The following ALDH1L1 variants were observed in gnomAD, a reference collection of about 807,000 sequenced individuals.
ALDH1L1 encodes aldehyde dehydrogenase 1 family member L1, also known as cytosolic 10-formyltetrahydrofolate dehydrogenase.
ALDH1L1 carries 68 observed loss-of-function variants against 101.1 expected under a neutral mutation model. The observed-to-expected ratio is 0.67, with a 90% CI of 0.55 to 0.82. The LOEUF (loss-of-function observed/expected upper bound fraction) is 0.82, where lower values mean the gene tolerates loss of function less well. Ranked by LOEUF, ALDH1L1 falls within the 40% of genes least tolerant of loss-of-function variation. The pLI, the probability that ALDH1L1 is intolerant of heterozygous loss-of-function variation, is 0.00. For synonymous variants in ALDH1L1, 486 were observed against 470.8 expected (o/e 1.03, Z -0.42); for missense variants, 1,087 against 1,172.7 (o/e 0.93, Z 1.07).
rs751251409 is a variant in ALDH1L1, at chr3:126,158,683, C to T, written c.128-44G>A. 3.2e-6 allele frequency: 5 copies of T among 1,572,416 alleles called. No individual in the cohort carries two copies. In the Admixed American group the frequency reaches 6.7e-5, roughly 21 times the overall value. On this transcript the variant is annotated intron_variant, in intron 2 of 22. Transcript: ENST00000393434. ...GAAACTGGCCCCTCTCCATAACCCA[C>T]CCACACGCAGCCACCTCTGCCTTCC...
At chr3:126,129,657 G>T in intron 14 of ALDH1L1, 1 of 152,484 alleles carries the variant, frequency 6.6e-6, no homozygotes. Flanking sequence ...CACCAGGACT[G>T]GGGCCAAATC....
At chr3:126,195,121 T>C (rs765355970) in intron 1 of ALDH1L1, among the ~76,000 whole-genome samples, 2 of 152,088 alleles carry the variant, frequency 1.3e-5, no homozygotes, top group South Asian at 2.1e-4. Flanking sequence ...CCCCAGGCCT[T>C]ATCTAGAATC....
intron 14 of ALDH1L1, 159 bp downstream of exon 14, chr3:126,130,061 TACA>T: frequency 1.7e-6 from 1 of 588,850 alleles, no homozygotes; most frequent in Non-Finnish European, 2.7e-6. Flanking sequence ...CTCAAGTCCT[TACA>T]ACAATGCCTG....
intron 4 of ALDH1L1, 106 bp downstream of exon 4, chr3:126,157,237 A>G (rs2080927945): frequency 5.0e-6 from 7 of 1,388,658 alleles, no homozygotes; most frequent in Non-Finnish European, 6.8e-6. Context: ...AGAATCCTGA[A>G]TTTGGGGAAC....
intron 12 of ALDH1L1, 90 bp from the exon 13 acceptor site, chr3:126,131,624 C>T: frequency 7.0e-7 from 1 of 1,428,586 alleles, no homozygotes; most frequent in South Asian, 1.4e-5. Context: ...GAGCTGGGGT[C>T]CTGCCCTCTA....
rs1413583120 is a variant in ALDH1L1 at position 126,160,890 on chromosome 3, G to A, written c.90C>T (p.Phe30=). ...RKEGHEVVGV[F]TVPDKDGKAD... is the part of the protein sequence containing the mutation. ...CCTTTCCATCCTTGTCTGGAACAGT[G>A]AACACACCCACCACTTCGTGGCCCT... is the stretch of plus-strand genomic sequence containing the variant. The change falls in exon 2 of 23, where the codon TTC becomes TTT. Residue 30 remains phenylalanine, a synonymous_variant. Coordinates refer to ENST00000393434, the MANE Select transcript of ALDH1L1 (RefSeq NM_012190.4). 3.1e-6 allele frequency: 5 copies of A among 1,614,244 alleles called. No homozygotes were observed. The South Asian group carries it at 3.3e-5, about 11-fold the overall frequency.
At chr3:126,139,761 A>G (rs141374857) in intron 9 of ALDH1L1, among the ~76,000 whole-genome samples, 2 of 152,328 alleles carry the variant, frequency 1.3e-5, no homozygotes, top group Admixed American at 1.3e-4. Flanking sequence ...GCTGGCAAGT[A>G]GAATAACTGA....
chr3:126,161,365 T>C (rs16837183), intron 1 of ALDH1L1, among the ~76,000 whole-genome samples: 8,805 of 152,338 alleles, frequency 0.058, 335 homozygotes, highest in African/African-American at 0.094. Context: ...TCTATGGCCT[T>C]GGTCAAGTCA....
rs543791731 is a variant in ALDH1L1, at chr3:126,159,502, T to C, written c.128-863A>G. The stretch of plus-strand genomic sequence containing the variant: ...TTCTCTGTTAGAGCCTCTGGTGTGA[T>C]GTTTGGGCCCTGACTGGACTGGCTC... On this transcript the variant is annotated intron_variant, in intron 2 of 22. Coordinates refer to ENST00000393434, the MANE Select transcript of ALDH1L1 (RefSeq NM_012190.4). The C allele has an allele frequency of 1.9e-3, 890 of 456,728 alleles. 18 individuals carry two copies. The highest frequency in any genetic ancestry group is 0.013 in the South Asian group (866 of 64,576). The allele number at this position is 456,728 out of a possible 1,614,324, so 28.3% of individuals were successfully genotyped here.
chr3:126,130,946 C>T (rs1187756265), intron 13 of ALDH1L1, among the ~76,000 whole-genome samples: 1 of 152,208 alleles, frequency 6.6e-6, no homozygotes. Flanking sequence ...TGCAGGAGCC[C>T]CCAGAAAAGC....
intron 14 of ALDH1L1, 63 bp downstream of exon 14, chr3:126,130,160 A>T: frequency 6.8e-7 from 1 of 1,464,594 alleles, no homozygotes. Flanking sequence ...AGGCTGTGCT[A>T]CAGTTCCGTG....
intron 14 of ALDH1L1, among the ~76,000 whole-genome samples, chr3:126,127,488 G>T (rs531945045): frequency 6.6e-6 from 1 of 152,114 alleles, no homozygotes; most frequent in Non-Finnish European, 1.5e-5. Context: ...CTGCATGGAC[G>T]GTGAGGGTGG....
intron 1 of ALDH1L1, 107 bp from the exon 2 acceptor site, chr3:126,161,109 T>C: frequency 2.2e-6 from 3 of 1,334,696 alleles, no homozygotes; most frequent in Non-Finnish European, 3.0e-6. Flanking sequence ...TCTACCCCAG[T>C]CCCCTCTGTG....
At chr3:126,197,382 C>T (rs775836483) in intron 1 of ALDH1L1, among the ~76,000 whole-genome samples, 6 of 151,998 alleles carry the variant, frequency 3.9e-5, no homozygotes, top group Non-Finnish European at 7.4e-5. Flanking sequence ...CCCACCTAAA[C>T]GCACAAGAAA....
rs1222011019 is a variant in ALDH1L1, at chr3:126,109,955, A to G, written c.2336T>C (p.Val779Ala). The change falls in exon 20 of 23, where the codon GTC becomes GCC. Residue 779 changes from valine to alanine, a missense_variant. Transcript: ENST00000393434. The stretch of plus-strand genomic sequence containing the variant: ...ACACTCTGACTCACCTGGCCGAGGG[A>G]CCTGATTCCCGCCGCAGACCAGTGT... ...GATLVCGGNQ[V>A]PRPGFFFEPT... 1 of 1,613,910 alleles carries G rather than the reference A, an allele frequency of 6.2e-7. No individual in the cohort carries two copies. Among genetic ancestry groups the G allele is most frequent in the Admixed American group, 1.7e-5 (1 of 60,020 alleles).
chr3:126,185,730 G>C (rs1018904644), upstream of ALDH1L1, among the ~76,000 whole-genome samples: 2 of 152,148 alleles, frequency 1.3e-5, no homozygotes, highest in Non-Finnish European at 2.9e-5. Context: ...GTGGTAACAA[G>C]ATGTTCTGAT....
At chr3:126,183,447 TG>T (rs2081492621), upstream of ALDH1L1, among the ~76,000 whole-genome samples, 1 of 152,234 alleles carries the variant, frequency 6.6e-6, no homozygotes, top group Admixed American at 6.5e-5. Context: ...TATACGGATA[TG>T]AACCTGGGCT....
intron 1 of ALDH1L1, among the ~76,000 whole-genome samples, chr3:126,164,521 A>C (rs960507542): frequency 1.6e-4 from 25 of 152,174 alleles, no homozygotes; most frequent in African/African-American, 6.0e-4. Flanking sequence ...TACGGCCTCT[A>C]GTCCACCCAT....
chr3:126,196,439 G>T (rs9860954), intron 1 of ALDH1L1, among the ~76,000 whole-genome samples: 27,306 of 146,038 alleles, frequency 0.19, 2,580 homozygotes, highest in South Asian at 0.23. Context: ...TTCCCAAAGA[G>T]CCCAAGGCTG....
Sources: gnomAD v4.1 joint callset for allele counts (sites outside exome capture counted in the v4.1 genomes callset) on GRCh38, gnomAD v4.1.1 for gene constraint, MANE v1.5 for transcripts, NCBI Gene and HGNC (gene_info 2026-07-23, HGNC 2026-07-21) for gene names.